BPHL: variants seen among roughly 807,000 people sequenced by gnomAD.
BPHL encodes serine hydrolase BPHL.
BPHL carries 27 observed loss-of-function variants against 31.2 expected under a neutral mutation model. That is an observed-to-expected ratio of 0.87 (90% confidence interval 0.64 to 1.19). The LOEUF (loss-of-function observed/expected upper bound fraction) is 1.19. BPHL is among the 50% of genes most tolerant of loss of function. The pLI, the probability that BPHL is intolerant of heterozygous loss-of-function variation, is 0.00. For synonymous variants in BPHL, 150 were observed against 146.8 expected (o/e 1.02, Z -0.16); for missense variants, 356 against 375.7 (o/e 0.95, Z 0.43).
At chr6:3,119,532 A>G (rs556693182) in intron 1 of BPHL, 1 of 1,613,790 alleles carries the variant, frequency 6.2e-7, no homozygotes, top group East Asian at 2.2e-5. Flanking sequence ...TAACAAAAAA[A>G]CTGGATTAAT....
intron 4 of BPHL, 53 bp downstream of exon 4, chr6:3,129,251 G>A (rs1038201996): frequency 6.5e-5 from 97 of 1,489,944 alleles, no homozygotes; most frequent in Non-Finnish European, 7.8e-5. Flanking sequence ...CCCTCTCTCC[G>A]CATCTCATCT....
intron 3 of BPHL, among the ~76,000 whole-genome samples, chr6:3,128,077 C>T (rs1761768607): frequency 6.6e-6 from 1 of 152,190 alleles, no homozygotes; most frequent in Non-Finnish European, 1.5e-5. Context: ...CCTTGGCCTC[C>T]CAAAGTGCTG....
intron 1 of BPHL, chr6:3,119,336 G>T: frequency 6.4e-7 from 1 of 1,554,988 alleles, no homozygotes; most frequent in African/African-American, 1.4e-5. Flanking sequence ...GGTCCCGAGA[G>T]CCCTAAGTCT....
At chr6:3,146,760 C>T (rs1056850448) in intron 6 of BPHL, among the ~76,000 whole-genome samples, 1,626 of 18,816 alleles carry the variant, frequency 0.086, no homozygotes, top group Non-Finnish European at 0.11. Flanking sequence ...TGGTTTGGGT[C>T]AGAGTGCTGG....
chr6:3,119,324 C>T, intron 1 of BPHL: 1 of 1,550,858 alleles, frequency 6.4e-7, no homozygotes, highest in Non-Finnish European at 8.7e-7. Flanking sequence ...GCTTTAATCA[C>T]GGGTCCCGAG....
chr6:3,128,707 C>T (rs1761783985), intron 3 of BPHL, among the ~76,000 whole-genome samples: 1 of 152,262 alleles, frequency 6.6e-6, no homozygotes, highest in Admixed American at 6.5e-5. Flanking sequence ...CATGCATATG[C>T]ACACACGTGC....
chr6:3,148,996 A>G (rs1316712050), intron 6 of BPHL, among the ~76,000 whole-genome samples: 1 of 152,192 alleles, frequency 6.6e-6, no homozygotes, highest in Non-Finnish European at 1.5e-5. Flanking sequence ...AAATATACTA[A>G]TAAAATAACA....
Position 3,152,527 on chromosome 6 carries a change from G to C in BPHL, c.828G>C (p.Leu276Phe). The C allele has an allele frequency of 6.2e-7, 1 of 1,613,270 alleles. No individual in the cohort carries two copies. Reference sequence around the variant, plus strand: ...CAGAAGGCAAACACAACCTGCATTTGCGTTTTGCAGATGAATTCAACAAGT... The same window carrying C: ...CAGAAGGCAAACACAACCTGCATTTCCGTTTTGCAGATGAATTCAACAAGT... ...LMPEGKHNLH[L>F]RFADEFNKLA... Residue 276 changes from leucine (L) to phenylalanine (F), a missense_variant, in exon 7 of 7, where the codon TTG (leucine) becomes TTC (phenylalanine). Leu to Phe is a conservative substitution (Grantham distance 22). Transcript: ENST00000380379.
Position 3,153,461 on chromosome 6 carries a change from A to G in BPHL, c.*886A>G, listed in dbSNP as rs969887859. 7.3e-6 allele frequency: 2 copies of G among 272,276 alleles called. No homozygotes were observed. Among genetic ancestry groups the G allele is most frequent in the Non-Finnish European group, 1.4e-5 (2 of 143,294 alleles). The allele number at this position is 272,276 out of a possible 1,614,324, so 16.9% of individuals were successfully genotyped here. On this transcript the variant is annotated 3_prime_UTR_variant, in exon 7 of 7. Coordinates refer to ENST00000380379, the MANE Select transcript of BPHL (RefSeq NM_004332.4). ...TGAATACTTTGGGCCAGTAAAGGTG[A>G]ACAAAATATGTATTTTCATCACTCT...
intron 4 of BPHL, among the ~76,000 whole-genome samples, chr6:3,129,699 T>C (rs763800551): frequency 1.3e-5 from 2 of 151,876 alleles, no homozygotes; most frequent in African/African-American, 2.4e-5. Flanking sequence ...TAATGTTGAG[T>C]GTGGAAAAGA....
intron 2 of BPHL, among the ~76,000 whole-genome samples, chr6:3,126,036 C>T (rs1761701243): frequency 6.6e-6 from 1 of 152,222 alleles, no homozygotes; most frequent in African/African-American, 2.4e-5. Flanking sequence ...ACAGGGACCA[C>T]GTGGTGGGCT....
chr6:3,118,515 C>T (rs1395011779), upstream of BPHL: 1 of 375,822 alleles, frequency 2.7e-6, no homozygotes, highest in Non-Finnish European at 4.7e-6. Flanking sequence ...GGACGGTCTA[C>T]GCGGGTGCCG....
At chr6:3,145,349 G>T (rs1762306907) in intron 6 of BPHL, among the ~76,000 whole-genome samples, 1 of 68,508 alleles carries the variant, frequency 1.5e-5, no homozygotes, top group African/African-American at 5.2e-5. Context: ...GTTCGGGGTG[G>T]AGTGCTGGTG....
chr6:3,121,863 C>T (rs182210137), intron 1 of BPHL, among the ~76,000 whole-genome samples: 1 of 152,122 alleles, frequency 6.6e-6, no homozygotes, highest in African/African-American at 2.4e-5. Context: ...TCTGTTTCCA[C>T]GTTTGTTTCT....
At chr6:3,121,239 C>T (rs926636614) in intron 1 of BPHL, among the ~76,000 whole-genome samples, 2 of 137,866 alleles carry the variant, frequency 1.5e-5, no homozygotes, top group Non-Finnish European at 3.1e-5. Context: ...GGCTACTTCA[C>T]AAAACATACA....
intron 3 of BPHL, among the ~76,000 whole-genome samples, chr6:3,127,767 A>T (rs989327367): frequency 6.6e-6 from 1 of 152,144 alleles, no homozygotes; most frequent in Non-Finnish European, 1.5e-5. Flanking sequence ...TACTAGTTGT[A>T]TGATAGGCAC....
At chr6:3,120,292 C>G (rs896583246) in intron 1 of BPHL, among the ~76,000 whole-genome samples, 6 of 152,152 alleles carry the variant, frequency 3.9e-5, no homozygotes, top group Admixed American at 1.3e-4. Flanking sequence ...GCCTCAGCCT[C>G]CCAAAGTGCT....
chr6:3,141,319 T>C (rs187903321), intron 6 of BPHL, among the ~76,000 whole-genome samples: 4 of 152,036 alleles, frequency 2.6e-5, no homozygotes, highest in African/African-American at 9.6e-5. Context: ...AGAGCAAAGG[T>C]GGGAGTTAGG....
chr6:3,120,545 C>T (rs956668639), intron 1 of BPHL, among the ~76,000 whole-genome samples: 9 of 152,272 alleles, frequency 5.9e-5, no homozygotes, highest in Middle Eastern at 6.8e-3. Flanking sequence ...GCAGCTGTAG[C>T]TCAGTGTCAG....
Sources: allele counts gnomAD v4.1 joint callset (sites outside exome capture counted in the v4.1 genomes callset), GRCh38; gene constraint gnomAD v4.1.1; transcripts MANE v1.5; gene names NCBI Gene and HGNC (gene_info 2026-07-23, HGNC 2026-07-21).